Variants in ADAMTS19 observed in about 807,000 individuals in gnomAD.
ADAMTS19 encodes the protein A disintegrin and metalloproteinase with thrombospondin motifs 19.
ADAMTS19 carries 93 observed loss-of-function variants against 153.3 expected under a neutral mutation model. The observed-to-expected ratio is 0.61, with a 90% CI of 0.51 to 0.72. The LOEUF (loss-of-function observed/expected upper bound fraction) is 0.72. Among genes scored for constraint, ADAMTS19 ranks in the 30% least tolerant of loss-of-function variants. The pLI, the probability that ADAMTS19 is intolerant of heterozygous loss-of-function variation, is 0.00. For synonymous variants in ADAMTS19, 600 were observed against 556.6 expected, an observed-to-expected ratio of 1.08 and a Z score of -1.10; for missense variants, 1,482 against 1,552.1, an observed-to-expected ratio of 0.95 and a Z score of 0.76.
At chr5:129,662,884 CTTCA>C (rs1166420980) in intron 15 of ADAMTS19, among the ~76,000 whole-genome samples, 1 of 135,772 alleles carries the variant, frequency 7.4e-6, no homozygotes, top group Non-Finnish European at 1.5e-5. Flanking sequence ...CATGATTCTT[CTTCA>C]TTTTTTTTTT....
intron 14 of ADAMTS19, 144 bp from the exon 15 acceptor site, chr5:129,658,473 G>C (rs1311748895): frequency 1.2e-6 from 1 of 806,708 alleles, no homozygotes; most frequent in African/African-American, 1.8e-5. Context: ...GCTTGCACCA[G>C]AGAATGACAT....
chr5:129,666,035 T>A (rs976365040), intron 16 of ADAMTS19, among the ~76,000 whole-genome samples: 2 of 151,238 alleles, frequency 1.3e-5, no homozygotes, highest in Non-Finnish European at 3.0e-5. Context: ...GTTTTTGAAG[T>A]AATGTTCTAC....
At chr5:129,612,330 T>C (rs967121649) in intron 8 of ADAMTS19, among the ~76,000 whole-genome samples, 28 of 152,088 alleles carry the variant, frequency 1.8e-4, no homozygotes, top group Non-Finnish European at 3.8e-4. Flanking sequence ...CTGCATAGTA[T>C]TCCATGGTGT....
chr5:129,618,620 G>A (rs2126972095), intron 8 of ADAMTS19, among the ~76,000 whole-genome samples: 1 of 151,932 alleles, frequency 6.6e-6, no homozygotes, highest in Non-Finnish European at 1.5e-5. Flanking sequence ...CAGAAACATA[G>A]ATACTCTCAT....
At chr5:129,506,212 C>T (rs1277805790) in intron 2 of ADAMTS19, among the ~76,000 whole-genome samples, 5 of 152,216 alleles carry the variant, frequency 3.3e-5, no homozygotes, top group Admixed American at 2.6e-4. Flanking sequence ...TTGAATGACA[C>T]ATATTCATGC....
intron 7 of ADAMTS19, among the ~76,000 whole-genome samples, chr5:129,554,006 A>G (rs533992854): frequency 6.6e-6 from 1 of 152,286 alleles, no homozygotes; most frequent in African/African-American, 2.4e-5. Context: ...GCAAATTAAA[A>G]GTAATATAGT....
At chr5:129,599,328 A>G (rs1750530179) in intron 8 of ADAMTS19, among the ~76,000 whole-genome samples, 1 of 152,120 alleles carries the variant, frequency 6.6e-6, no homozygotes, top group African/African-American at 2.4e-5. Flanking sequence ...ATTATTAATA[A>G]TTAATTTTAC....
At chr5:129,564,132 A>AAGCAGAAGCAAGGCACTGAATTGT (rs1293804234) in intron 7 of ADAMTS19, among the ~76,000 whole-genome samples, 6 of 152,010 alleles carry the variant, frequency 3.9e-5, no homozygotes, top group African/African-American at 1.4e-4. Flanking sequence ...GAAACTCTTA[A>AAGCAGAAGCAAGGCACTGAATTGT]AGCAGAAGCA....
intron 19 of ADAMTS19, among the ~76,000 whole-genome samples, chr5:129,698,415 A>G (rs1408883622): frequency 1.3e-5 from 2 of 152,216 alleles, no homozygotes; most frequent in Non-Finnish European, 2.9e-5. Context: ...GAAAGTCACT[A>G]AATGGCCCGA....
intron 21 of ADAMTS19, among the ~76,000 whole-genome samples, chr5:129,727,883 G>A (rs545843163): frequency 3.3e-5 from 5 of 152,230 alleles, no homozygotes; most frequent in African/African-American, 7.2e-5. Flanking sequence ...CATAGGGCCT[G>A]GTAAAATAAG....
At chr5:129,536,361 G>C (rs1299399730) in intron 6 of ADAMTS19, among the ~76,000 whole-genome samples, 1 of 152,158 alleles carries the variant, frequency 6.6e-6, no homozygotes, top group Non-Finnish European at 1.5e-5. Context: ...ACCACAATGA[G>C]ATACCATCTC....
In ADAMTS19 at chr5:129,527,837, A is replaced by G; in HGVS notation, c.1170+6A>G. On this transcript the variant is annotated splice_donor_region_variant and intron_variant, in intron 5 of 22. Coordinates refer to ENST00000274487, the MANE Select transcript of ADAMTS19 (RefSeq NM_133638.6). The stretch of plus-strand genomic sequence containing the variant: ...TTCTGCTCCATGAAACTCCAGTAAG[A>G]AAGTCTTGAGTTTTTTATTAAATTA... 6.4e-7 allele frequency: 1 copy of G among 1,562,492 alleles called. No individual in the cohort carries two copies. The highest frequency in any genetic ancestry group is 8.8e-7 in the Non-Finnish European group (1 of 1,141,388).
intron 8 of ADAMTS19, among the ~76,000 whole-genome samples, chr5:129,600,342 G>A (rs949895105): frequency 4.0e-5 from 6 of 151,224 alleles, no homozygotes; most frequent in Admixed American, 2.6e-4. Context: ...TTTTTTTTGC[G>A]TTAAATTTTA....
At chr5:129,488,205 A>G (rs1750659438) in intron 2 of ADAMTS19, among the ~76,000 whole-genome samples, 1 of 152,092 alleles carries the variant, frequency 6.6e-6, no homozygotes, top group South Asian at 2.1e-4. Context: ...GAACAAGAAT[A>G]GTGTAAATTT....
Position 129,684,102 on chromosome 5 carries a change from C to T in ADAMTS19, c.2665-18C>T. 1 of 1,603,528 alleles carries T rather than the reference C, an allele frequency of 6.2e-7. No homozygotes were observed. The highest frequency in any genetic ancestry group is 8.5e-7 in the Non-Finnish European group (1 of 1,173,902). ...TCTAGTTTGACCCATCTGCCTTGATCATTTTTGTATACTATAGGTGCTCCT... is the reference window on the plus strand; with the variant it reads ...TCTAGTTTGACCCATCTGCCTTGATTATTTTTGTATACTATAGGTGCTCCT... On this transcript the variant is annotated intron_variant, in intron 17 of 22. Transcript: ENST00000274487.
At chr5:129,569,979 C>G (rs756263812) in intron 7 of ADAMTS19, among the ~76,000 whole-genome samples, 40 of 152,062 alleles carry the variant, frequency 2.6e-4, no homozygotes, top group Non-Finnish European at 4.6e-4. Flanking sequence ...AAAATAGGAG[C>G]ATAAATCAGT....
intron 14 of ADAMTS19, among the ~76,000 whole-genome samples, chr5:129,658,416 C>G (rs1262364891): frequency 6.6e-6 from 1 of 151,778 alleles, no homozygotes; most frequent in African/African-American, 2.4e-5. Flanking sequence ...TCATCACTAT[C>G]TTGGTAATTT....
intron 16 of ADAMTS19, among the ~76,000 whole-genome samples, chr5:129,670,236 T>G (rs1226008522): frequency 6.6e-6 from 1 of 152,202 alleles, no homozygotes; most frequent in Non-Finnish European, 1.5e-5. Flanking sequence ...TTCTTGCTTT[T>G]CTAATGTCAA....
chr5:129,712,068 G>C (rs1004781742), intron 21 of ADAMTS19, among the ~76,000 whole-genome samples: 1 of 151,890 alleles, frequency 6.6e-6, no homozygotes, highest in East Asian at 1.9e-4. Flanking sequence ...ATAACATAGG[G>C]AATTATTCCT....
Sources: allele counts gnomAD v4.1 joint callset (sites outside exome capture counted in the v4.1 genomes callset), GRCh38; gene constraint gnomAD v4.1.1; transcripts MANE v1.5; gene names NCBI Gene and HGNC (gene_info 2026-07-23, HGNC 2026-07-21).